Variants in ATP6V1H observed in about 807,000 individuals in gnomAD.
ATP6V1H encodes the protein ATPase H+ transporting V1 subunit H.
In ATP6V1H, 39 loss-of-function variants were observed where a neutral mutation model predicts 71.7. The observed-to-expected ratio is 0.54, with a 90% CI of 0.42 to 0.71. ATP6V1H has a LOEUF of 0.71. ATP6V1H is among the 30% of genes least tolerant of loss of function. The pLI is 0.00. For missense variants in ATP6V1H, 509 were observed against 594.9 expected, an observed-to-expected ratio of 0.86 and a Z score of 1.50; for synonymous variants, 192 against 199.3, an observed-to-expected ratio of 0.96 and a Z score of 0.31.
intron 13 of ATP6V1H, among the ~76,000 whole-genome samples, chr8:53,728,534 T>C (rs893267435): frequency 6.6e-6 from 1 of 152,268 alleles, no homozygotes; most frequent in African/African-American, 2.4e-5. Flanking sequence ...TTTACATTTC[T>C]CCTGTGTTGC....
chr8:53,819,885 A>G (rs1266600605), intron 4 of ATP6V1H, among the ~76,000 whole-genome samples: 4 of 150,742 alleles, frequency 2.7e-5, no homozygotes, highest in Admixed American at 2.0e-4. Flanking sequence ...GAATAATACC[A>G]GCTACCTAAA....
intron 2 of ATP6V1H, among the ~76,000 whole-genome samples, chr8:53,833,791 G>C (rs1214316347): frequency 6.6e-6 from 1 of 151,944 alleles, no homozygotes; most frequent in African/African-American, 2.4e-5. Flanking sequence ...CATTTCCACT[G>C]TCTTCTACCT....
At chr8:53,747,524 CTCTT>C (rs1807647465) in intron 12 of ATP6V1H, among the ~76,000 whole-genome samples, 1 of 145,524 alleles carries the variant, frequency 6.9e-6, no homozygotes, top group South Asian at 2.2e-4. Flanking sequence ...AAAGAGAAAG[CTCTT>C]TTTTTTTTTT....
intron 13 of ATP6V1H, among the ~76,000 whole-genome samples, chr8:53,733,797 C>G (rs1018789202): frequency 1.3e-5 from 2 of 152,186 alleles, no homozygotes; most frequent in Non-Finnish European, 2.9e-5. Context: ...GTCTCAACAG[C>G]AGCAAGCCTT....
intron 7 of ATP6V1H, among the ~76,000 whole-genome samples, chr8:53,803,597 T>C (rs1319331549): frequency 3.3e-5 from 5 of 152,192 alleles, no homozygotes; most frequent in Non-Finnish European, 4.4e-5. Context: ...TTTGGTGGAA[T>C]AGTCTAATGT....
intron 11 of ATP6V1H, among the ~76,000 whole-genome samples, chr8:53,761,740 T>C (rs1808279589): frequency 6.6e-6 from 1 of 152,220 alleles, no homozygotes; most frequent in Admixed American, 6.5e-5. Context: ...GAATAATGTA[T>C]CATTTTCAGT....
chr8:53,820,986 A>C (rs1810633271), intron 4 of ATP6V1H, among the ~76,000 whole-genome samples: 1 of 151,500 alleles, frequency 6.6e-6, no homozygotes, highest in Non-Finnish European at 1.5e-5. Context: ...TGTCTCAAAA[A>C]AAAAAAAAAG....
chr8:53,836,627 C>G (rs1811166806), intron 2 of ATP6V1H, among the ~76,000 whole-genome samples: 1 of 152,190 alleles, frequency 6.6e-6, no homozygotes, highest in Non-Finnish European at 1.5e-5. Flanking sequence ...TTCCCCGCAT[C>G]CAATTCAACC....
chr8:53,743,767 C>G (rs1807499940), intron 12 of ATP6V1H, 77 bp from the exon 13 acceptor site: 1 of 911,942 alleles, frequency 1.1e-6, no homozygotes, highest in African/African-American at 1.7e-5. Flanking sequence ...AGCTCAAATA[C>G]CAACACGCTA....
intron 12 of ATP6V1H, 171 bp from the exon 13 acceptor site, chr8:53,743,861 C>A: frequency 5.3e-6 from 3 of 563,030 alleles, no homozygotes; most frequent in Non-Finnish European, 9.4e-6. Flanking sequence ...TTACAGTATT[C>A]AAATACTTTC....
chr8:53,819,110 G>A (rs910364598), intron 4 of ATP6V1H, among the ~76,000 whole-genome samples: 1 of 152,102 alleles, frequency 6.6e-6, no homozygotes, highest in Non-Finnish European at 1.5e-5. Context: ...AGAGACGGAG[G>A]TGGGAGGATC....
At chr8:53,734,367 C>A (rs528641503) in intron 13 of ATP6V1H, among the ~76,000 whole-genome samples, 2 of 152,280 alleles carry the variant, frequency 1.3e-5, no homozygotes, top group East Asian at 3.9e-4. Flanking sequence ...GCTTCATCAA[C>A]CCACAAGGAG....
chr8:53,743,466 A>G (rs1302362352), intron 13 of ATP6V1H, 111 bp downstream of exon 13: 8 of 786,148 alleles, frequency 1.0e-5, no homozygotes, highest in Non-Finnish European at 1.7e-5. Context: ...TTTGAATCAA[A>G]ATAACTAATT....
chr8:53,810,455 A>T (rs1394519222), intron 7 of ATP6V1H, among the ~76,000 whole-genome samples: 3 of 152,172 alleles, frequency 2.0e-5, no homozygotes, highest in Non-Finnish European at 4.4e-5. Context: ...AAAATGTGGA[A>T]AGAAGGCCTG....
chr8:53,733,283 G>C (rs1429486836), intron 13 of ATP6V1H, among the ~76,000 whole-genome samples: 4 of 152,194 alleles, frequency 2.6e-5, no homozygotes, highest in Non-Finnish European at 5.9e-5. Context: ...CTGCTTTCCA[G>C]TGGGAAGATC....
intron 12 of ATP6V1H, among the ~76,000 whole-genome samples, chr8:53,749,394 G>A (rs147912225): frequency 6.6e-6 from 1 of 152,308 alleles, no homozygotes; most frequent in East Asian, 1.9e-4. Flanking sequence ...GGCTGGCCAG[G>A]CTGAATCACC....
intron 9 of ATP6V1H, among the ~76,000 whole-genome samples, chr8:53,794,027 G>A (rs1415405156): frequency 6.6e-6 from 1 of 152,024 alleles, no homozygotes; most frequent in Non-Finnish European, 1.5e-5. Flanking sequence ...TCATCAAAGT[G>A]GGCAAACATA....
At chr8:53,798,454 G>C (rs1024613741) in intron 8 of ATP6V1H, among the ~76,000 whole-genome samples, 2 of 152,086 alleles carry the variant, frequency 1.3e-5, no homozygotes, top group Non-Finnish European at 2.9e-5. Flanking sequence ...CCAGGAGGCG[G>C]AGGTTGCAGT....
chr8:53,765,454 A>AACACAC (rs59822523), intron 11 of ATP6V1H, among the ~76,000 whole-genome samples: 36 of 74,126 alleles, frequency 4.9e-4, no homozygotes, highest in African/African-American at 1.4e-3. Flanking sequence ...CAACAACAAC[A>AACACAC]ACACACACAC....
Sources: gnomAD v4.1 joint callset for allele counts (sites outside exome capture counted in the v4.1 genomes callset) on GRCh38, gnomAD v4.1.1 for gene constraint, MANE v1.5 for transcripts, NCBI Gene and HGNC (gene_info 2026-07-23, HGNC 2026-07-21) for gene names.